The following SERPINB7 variants were observed in gnomAD, a reference collection of about 807,000 sequenced individuals.
SERPINB7 encodes the protein serpin B7.
SERPINB7 carries 31 observed loss-of-function variants against 37.4 expected under a neutral mutation model. The ratio of observed to expected loss-of-function variants is 0.83; its 90% CI spans 0.62 to 1.12. The LOEUF (loss-of-function observed/expected upper bound fraction) is 1.12. Ranked by LOEUF, SERPINB7 falls within the 50% of genes most tolerant of loss-of-function variation. The pLI is 0.00. For missense variants in SERPINB7, 521 were observed against 455.3 expected (o/e 1.14, Z -1.31); for synonymous variants, 163 against 166.1 (o/e 0.98, Z 0.14).
chr18:63,797,326 T>C lies in SERPINB7; in HGVS notation c.454+943T>C, dbSNP rs116101420. On this transcript the variant is annotated intron_variant, in intron 5 of 7. Transcript: ENST00000398019. ...GACTAAGAATGCAGTGTATAAATTTTCTTTTTATTCATTCATTCCTCATTA... is the reference window on the plus strand; with the variant it reads ...GACTAAGAATGCAGTGTATAAATTTCCTTTTTATTCATTCATTCCTCATTA... Among the ~76,000 whole-genome samples the C allele has an allele frequency of 7.5e-3, 1,148 of 152,288 alleles. 9 individuals are homozygous for C. The highest frequency in any genetic ancestry group is 0.026 in the African/African-American group (1,100 of 41,544).
In SERPINB7 at chr18:63,775,673, G is replaced by A. The variant is rs1212644588; in HGVS notation, c.-62G>A. 1 of 152,132 alleles carries A rather than the reference G, an allele frequency of 6.6e-6. No homozygotes were observed. The highest frequency in any genetic ancestry group is 6.5e-5 in the Admixed American group (1 of 15,274). The allele number at this position is 152,132 out of a possible 1,614,324, so 9.4% of individuals were successfully genotyped here. A position where few individuals can be genotyped will look rare whatever the true frequency, so the allele number is the denominator to read the frequency against. ...AGTGAGAACAGATCACCTAGAGAAA[G>A]GAGACCAGATTCCCATCACTGCTTC... On this transcript the variant is annotated 5_prime_UTR_variant, in exon 1 of 8. Transcript: ENST00000398019.
intron 4 of SERPINB7, among the ~76,000 whole-genome samples, chr18:63,793,693 GTCTC>G (rs1372685569): frequency 2.0e-5 from 3 of 152,124 alleles, no homozygotes; most frequent in Admixed American, 2.0e-4. Context: ...TTGAGAAAGG[GTCTC>G]TCTATGTTGC....
chr18:63,769,252 GTTTC>G (rs56966977), intron 1 of SERPINB7, among the ~76,000 whole-genome samples: 2,814 of 121,334 alleles, frequency 0.023, 33 homozygotes, highest in Middle Eastern at 0.036. Flanking sequence ...CTCTCTAAAA[GTTTC>G]TTTATTTTTT....
At chr18:63,795,096 G>A (rs1469499902) in intron 4 of SERPINB7, among the ~76,000 whole-genome samples, 1 of 152,150 alleles carries the variant, frequency 6.6e-6, no homozygotes, top group Non-Finnish European at 1.5e-5. Context: ...CAACTATTAT[G>A]TCCAAGGCAA....
At chr18:63,758,955 C>A (rs1052735440) in intron 1 of SERPINB7, among the ~76,000 whole-genome samples, 1 of 152,120 alleles carries the variant, frequency 6.6e-6, no homozygotes, top group Non-Finnish European at 1.5e-5. Context: ...GGATGTCAAG[C>A]CTTGAGTGGA....
At position 63,791,862 on chromosome 18, in the gene SERPINB7, G is replaced by T. The variant is rs567584145; in HGVS notation, c.169-531G>T. Among the ~76,000 whole-genome samples, 723 of 152,200 alleles carry T rather than the reference G, an allele frequency of 4.8e-3. 33 individuals are homozygous for T. In the East Asian group the frequency reaches 0.11, roughly 23 times the overall value. Reference sequence around the variant, plus strand: ...CCTGACCTCGTGATCTGCCCGCCTTGGCCTCCCAAAGTGCTGAGATTACAG... The same window carrying T: ...CCTGACCTCGTGATCTGCCCGCCTTTGCCTCCCAAAGTGCTGAGATTACAG... On this transcript the variant is annotated intron_variant, in intron 2 of 7. Transcript: ENST00000398019.
upstream of SERPINB7, among the ~76,000 whole-genome samples, chr18:63,773,080 T>G (rs2049220732): frequency 6.6e-6 from 1 of 152,104 alleles, no homozygotes; most frequent in African/African-American, 2.4e-5. Flanking sequence ...CTTTGTGTCC[T>G]GCCCACAGTA....
intron 5 of SERPINB7, 53 bp from the exon 6 acceptor site, chr18:63,798,551 T>C: frequency 4.3e-6 from 6 of 1,393,468 alleles, no homozygotes; most frequent in Non-Finnish European, 5.8e-6. Context: ...TTTTAAATCA[T>C]TTTTAAAATT....
intron 2 of SERPINB7, among the ~76,000 whole-genome samples, chr18:63,789,654 A>G (rs995683326): frequency 6.6e-6 from 1 of 152,226 alleles, no homozygotes; most frequent in African/African-American, 2.4e-5. Flanking sequence ...CTCAATTGGG[A>G]AGAGATAACT....
Position 63,805,297 on chromosome 18 carries a change from A to G in SERPINB7, c.*662A>G, listed in dbSNP as rs2049596639. 6.6e-6 allele frequency: 1 copy of G among 152,310 alleles called. No homozygotes were observed. Among genetic ancestry groups the G allele is most frequent in the Non-Finnish European group, 1.5e-5 (1 of 68,130 alleles). 9.4% of individuals were successfully genotyped at this position (152,310 alleles called of 1,614,324 possible). The stretch of plus-strand genomic sequence containing the variant: ...TTTTAACTGTTGGCAGTTGTTATCT[A>G]CAGAATCATATCTCATATGCTGTGT... On this transcript the variant is annotated 3_prime_UTR_variant, in exon 8 of 8. Coordinates refer to ENST00000398019, the MANE Select transcript of SERPINB7 (RefSeq NM_003784.4).
chr18:63,760,846 G>C (rs2049149382), intron 1 of SERPINB7, among the ~76,000 whole-genome samples: 1 of 152,240 alleles, frequency 6.6e-6, no homozygotes, highest in African/African-American at 2.4e-5. Flanking sequence ...GATTTCAGAA[G>C]ATGTATAGAA....
intron 1 of SERPINB7, among the ~76,000 whole-genome samples, chr18:63,766,917 T>G (rs1316912571): frequency 1.3e-5 from 2 of 152,188 alleles, no homozygotes; most frequent in Non-Finnish European, 1.5e-5. Flanking sequence ...AGTGATTCTT[T>G]TTTCTACTTC....
intron 2 of SERPINB7, among the ~76,000 whole-genome samples, chr18:63,784,380 A>G (rs2049344074): frequency 6.6e-6 from 1 of 152,268 alleles, no homozygotes; most frequent in African/African-American, 2.4e-5. Flanking sequence ...AACCAAAAAC[A>G]TTTCCAGATA....
At chr18:63,785,534 T>C (rs1599007950) in intron 2 of SERPINB7, among the ~76,000 whole-genome samples, 1 of 152,200 alleles carries the variant, frequency 6.6e-6, no homozygotes, top group Non-Finnish European at 1.5e-5. Flanking sequence ...CTCTGGCTCA[T>C]TTACTCTATT....
At chr18:63,800,283 A>G (rs2049533463) in intron 6 of SERPINB7, among the ~76,000 whole-genome samples, 1 of 151,768 alleles carries the variant, frequency 6.6e-6, no homozygotes. Flanking sequence ...CCTGGTCTTG[A>G]GCTCTTGGGC....
At position 63,793,162 on chromosome 18, in the gene SERPINB7, C is replaced by T. The variant is rs1259802722; in HGVS notation, c.221C>T (p.Ser74Leu). Residue 74 changes from serine to leucine, a missense_variant and splice_region_variant, in exon 4 of 8, where the codon TCA becomes TTA. Physicochemically the swap from Ser to Leu is moderately radical, Grantham distance 145. Transcript: ENST00000398019. ...SGYGNSSNSQ[S>L]GLQSQLKRVF... The stretch of plus-strand genomic sequence containing the variant: ...TTTTATACATCTTTTTAATAACAGT[C>T]AGGGCTCCAGTCTCAACTGAAAAGA... 5 of 1,505,822 alleles carry T rather than the reference C, an allele frequency of 3.3e-6. No individual in the cohort carries two copies. Among genetic ancestry groups the T allele is most frequent in the Admixed American group, 1.9e-5 (1 of 51,856 alleles). 93.3% of individuals were successfully genotyped at this position (1,505,822 alleles called of 1,614,324 possible).
intron 4 of SERPINB7, 50 bp from the exon 5 acceptor site, chr18:63,796,216 A>G: frequency 9.6e-7 from 1 of 1,040,436 alleles, no homozygotes; most frequent in African/African-American, 1.6e-5. Context: ...TTTCTTATAT[A>G]CTTAGTTGGT....
rs576298493 is a variant in SERPINB7, at chr18:63,758,285, A to G, written c.-19+5165A>G. 2.2e-4 allele frequency among the ~76,000 whole-genome samples: 34 copies of G among 152,354 alleles called. No individual in the cohort carries two copies. In the South Asian group the frequency reaches 7.0e-3, roughly 32 times the overall value. On this transcript the variant is annotated intron_variant, in intron 1 of 7. Transcript: ENST00000336429. ...CTTATCCCAATAACTAATTATGGCCAGAAGCAGACATCAACAACAGCAATG... is the reference window on the plus strand; with the variant it reads ...CTTATCCCAATAACTAATTATGGCCGGAAGCAGACATCAACAACAGCAATG...
chr18:63,753,669 C>G (rs1211336592), intron 1 of SERPINB7, among the ~76,000 whole-genome samples: 1 of 152,238 alleles, frequency 6.6e-6, no homozygotes, highest in Non-Finnish European at 1.5e-5. Context: ...GATCACAATA[C>G]AACCATGATG....
Sources: allele counts gnomAD v4.1 joint callset (sites outside exome capture counted in the v4.1 genomes callset), GRCh38; gene constraint gnomAD v4.1.1; transcripts MANE v1.5; gene names NCBI Gene and HGNC (gene_info 2026-07-23, HGNC 2026-07-21).